The following ST7 variants were observed in gnomAD, a reference collection of about 807,000 sequenced individuals.
ST7 encodes suppressor of tumorigenicity 7 protein.
ST7 carries 28 observed loss-of-function variants against 78.7 expected under a neutral mutation model. The ratio of observed to expected loss-of-function variants is 0.36; its 90% CI spans 0.26 to 0.49. The LOEUF (loss-of-function observed/expected upper bound fraction) is 0.49, where lower values mean the gene tolerates loss of function less well. ST7 is among the 20% of genes least tolerant of loss of function. The pLI is 0.99. For missense variants in ST7, 418 were observed against 696.0 expected, an observed-to-expected ratio of 0.60 and a Z score of 4.49; for synonymous variants, 247 against 249.6, an observed-to-expected ratio of 0.99 and a Z score of 0.10.
chr7:116,968,476 C>A, intron 1 of ST7: 1 of 448,494 alleles, frequency 2.2e-6, no homozygotes, highest in Non-Finnish European at 4.5e-6. Flanking sequence ...CTGATTATTT[C>A]GACTACGGGT....
At chr7:117,169,584 A>G (rs1048236392) in intron 9 of ST7, among the ~76,000 whole-genome samples, 10 of 152,096 alleles carry the variant, frequency 6.6e-5, no homozygotes, top group Non-Finnish European at 1.5e-4. Flanking sequence ...CCCGTGGACC[A>G]TTCCTTTAAT....
At chr7:116,982,113 T>C (rs1585086724) in intron 1 of ST7, among the ~76,000 whole-genome samples, 2 of 152,284 alleles carry the variant, frequency 1.3e-5, no homozygotes, top group Non-Finnish European at 2.9e-5. Context: ...TCTTGCACTG[T>C]TTAACGTGGT....
intron 1 of ST7, among the ~76,000 whole-genome samples, chr7:116,980,989 C>T (rs1793934210): frequency 6.6e-6 from 1 of 152,148 alleles, no homozygotes; most frequent in African/African-American, 2.4e-5. Context: ...CTCCAGACTC[C>T]TTTTTTTCTG....
At chr7:117,158,054 C>A (rs937291929) in intron 9 of ST7, among the ~76,000 whole-genome samples, 2 of 152,042 alleles carry the variant, frequency 1.3e-5, no homozygotes, top group African/African-American at 4.8e-5. Flanking sequence ...CTGCAGTTTG[C>A]CATAGAGTTT....
intron 7 of ST7, 128 bp from the exon 8 acceptor site, chr7:117,135,953 G>A (rs1242727554): frequency 5.1e-5 from 45 of 880,138 alleles, no homozygotes; most frequent in Non-Finnish European, 7.5e-5. Context: ...CTACAAACAG[G>A]AGTGCATGAA....
intron 1 of ST7, among the ~76,000 whole-genome samples, chr7:117,083,043 T>C (rs1046364609): frequency 3.3e-5 from 5 of 152,142 alleles, no homozygotes; most frequent in Admixed American, 2.6e-4. Flanking sequence ...TCTGCTATTT[T>C]ATTTTATTTT....
intron 1 of ST7, among the ~76,000 whole-genome samples, chr7:116,990,090 C>T (rs575830616): frequency 2.4e-4 from 36 of 152,090 alleles, no homozygotes; most frequent in Non-Finnish European, 1.6e-4. Context: ...ACACATGCCA[C>T]CACACCCGGC....
chr7:117,137,352 C>T (rs1279390429), intron 8 of ST7: 1 of 152,086 alleles, frequency 6.6e-6, no homozygotes, highest in Non-Finnish European at 1.5e-5. Flanking sequence ...ATCTATGTCT[C>T]ACTTTTTAAT....
intron 1 of ST7, among the ~76,000 whole-genome samples, chr7:116,973,827 A>G (rs961532133): frequency 6.6e-6 from 1 of 152,202 alleles, no homozygotes; most frequent in African/African-American, 2.4e-5. Context: ...TTTAATTGTT[A>G]TATAGTATTT....
intron 1 of ST7, chr7:117,074,794 CT>C: frequency 6.6e-6 from 1 of 152,208 alleles, no homozygotes; most frequent in Non-Finnish European, 1.5e-5. Flanking sequence ...TGATTGGCTT[CT>C]CCTAAGACAT....
intron 5 of ST7, among the ~76,000 whole-genome samples, chr7:117,131,177 G>GA (rs919006892): frequency 1.3e-5 from 2 of 151,564 alleles, no homozygotes; most frequent in Admixed American, 6.6e-5. Context: ...GTAAATAGGT[G>GA]AAAAAATGTT....
chr7:117,196,602 A>T (rs1810326461), intron 12 of ST7, among the ~76,000 whole-genome samples: 1 of 127,738 alleles, frequency 7.8e-6, no homozygotes. Flanking sequence ...CAAGTTTTAA[A>T]TCAGATAATC....
At chr7:116,981,384 A>G (rs1050413966) in intron 1 of ST7, among the ~76,000 whole-genome samples, 1 of 152,218 alleles carries the variant, frequency 6.6e-6, no homozygotes, top group Non-Finnish European at 1.5e-5. Context: ...TGCCAGGATT[A>G]TAGGTATGAA....
At chr7:117,060,793 G>A (rs1038333413) in intron 1 of ST7, among the ~76,000 whole-genome samples, 4 of 152,242 alleles carry the variant, frequency 2.6e-5, no homozygotes, top group African/African-American at 9.6e-5. Context: ...ATCACCTGAT[G>A]TCAGGAGTTT....
intron 2 of ST7, among the ~76,000 whole-genome samples, chr7:117,114,291 G>A (rs1300593576): frequency 6.6e-6 from 1 of 151,858 alleles, no homozygotes; most frequent in Non-Finnish European, 1.5e-5. Context: ...AGTCAATATG[G>A]TAAAAAGAAT....
chr7:117,220,986 C>G (rs1399582276), intron 14 of ST7, among the ~76,000 whole-genome samples: 3 of 152,130 alleles, frequency 2.0e-5, no homozygotes, highest in Non-Finnish European at 4.4e-5. Flanking sequence ...ATGGAGCCCT[C>G]TGGTCCTCTT....
At chr7:117,140,924 G>A (rs1258635247) in intron 9 of ST7, among the ~76,000 whole-genome samples, 4 of 152,156 alleles carry the variant, frequency 2.6e-5, no homozygotes, top group Non-Finnish European at 4.4e-5. Context: ...ACAGAGGAGG[G>A]AAGGTTGAGG....
At chr7:116,986,787 G>C (rs901821268) in intron 1 of ST7, among the ~76,000 whole-genome samples, 1 of 152,142 alleles carries the variant, frequency 6.6e-6, no homozygotes, top group Admixed American at 6.5e-5. Context: ...ATTTCAGATA[G>C]GTGGTATTTA....
chr7:117,130,922 T>G (rs964710172), intron 5 of ST7, among the ~76,000 whole-genome samples: 6 of 151,830 alleles, frequency 4.0e-5, no homozygotes, highest in Non-Finnish European at 7.4e-5. Context: ...CATGAAGGCC[T>G]TATCTCCTTT....
Sources: allele counts gnomAD v4.1 joint callset (sites outside exome capture counted in the v4.1 genomes callset), GRCh38; gene constraint gnomAD v4.1.1; transcripts MANE v1.5; gene names NCBI Gene and HGNC (gene_info 2026-07-23, HGNC 2026-07-21).